The following P2RX3 variants were observed in gnomAD, a reference collection of about 807,000 sequenced individuals.
P2RX3 encodes P2X purinoceptor 3.
P2RX3 carries 41 observed loss-of-function variants against 51.5 expected under a neutral mutation model. The ratio of observed to expected loss-of-function variants is 0.80; its 90% CI spans 0.62 to 1.03. The LOEUF is 1.03. Ranked by LOEUF, P2RX3 falls within the 50% of genes least tolerant of loss-of-function variation. The probability of loss-of-function intolerance (pLI) is 0.00; values close to 1 mark genes in which losing one functional copy is unlikely to be tolerated. For synonymous variants in P2RX3, 185 were observed against 191.6 expected (o/e 0.97, Z 0.29); for missense variants, 459 against 522.1 (o/e 0.88, Z 1.18).
Position 57,370,188 on chromosome 11 carries a change from A to G in P2RX3, c.*191A>G, listed in dbSNP as rs3781894. Reference sequence around the variant, plus strand: ...GGCAGTGCTCCCTGCTGAGACCCCAATCTCACCTTCACTCCTTGCCTGGCC... The same window carrying G: ...GGCAGTGCTCCCTGCTGAGACCCCAGTCTCACCTTCACTCCTTGCCTGGCC... On this transcript the variant is annotated 3_prime_UTR_variant, in exon 12 of 12. Transcript: ENST00000263314. 0.53 allele frequency: 300,424 copies of G among 566,534 alleles called. 81,621 individuals carry two copies. The highest frequency in any genetic ancestry group is 0.59 in the Non-Finnish European group (188,665 of 317,768). The allele number at this position is 566,534 out of a possible 1,614,324, so 35.1% of individuals were successfully genotyped here.
chr11:57,360,169 C>T (rs1856692066), intron 8 of P2RX3, among the ~76,000 whole-genome samples: 1 of 152,210 alleles, frequency 6.6e-6, no homozygotes, highest in South Asian at 2.1e-4. Flanking sequence ...GCAGGAGTAA[C>T]TGTCCCACAT....
intron 8 of P2RX3, among the ~76,000 whole-genome samples, chr11:57,363,459 C>T (rs1472623143): frequency 6.6e-6 from 1 of 152,164 alleles, no homozygotes; most frequent in East Asian, 1.9e-4. Context: ...GCCATCTTGA[C>T]TCAGTCTCTC....
At chr11:57,338,698 C>T (rs1308168033) in intron 1 of P2RX3, 29 bp downstream of exon 1, 11 of 1,502,022 alleles carry the variant, frequency 7.3e-6, no homozygotes, top group East Asian at 6.9e-5. Context: ...AGGTTCCTGG[C>T]GGGGTGGGCT....
At chr11:57,350,392 A>G in intron 7 of P2RX3, 1 of 179,116 alleles carries the variant, frequency 5.6e-6, no homozygotes, top group Non-Finnish European at 1.1e-5. Flanking sequence ...TCCGCCTCCC[A>G]GGTTCACGCC....
chr11:57,356,524 A>T, intron 8 of P2RX3, among the ~76,000 whole-genome samples: 1 of 152,184 alleles, frequency 6.6e-6, no homozygotes, highest in Non-Finnish European at 1.5e-5. Flanking sequence ...GTTTCTAGTG[A>T]TCGTTTTATG....
chr11:57,356,465 G>A (rs1162172367), intron 8 of P2RX3, among the ~76,000 whole-genome samples: 2 of 152,112 alleles, frequency 1.3e-5, no homozygotes, highest in Non-Finnish European at 2.9e-5. Flanking sequence ...TTGGTGTCTG[G>A]GACAAAAAAA....
chr11:57,343,907 C>T (rs1483040639), intron 1 of P2RX3, among the ~76,000 whole-genome samples: 1 of 152,152 alleles, frequency 6.6e-6, no homozygotes, highest in East Asian at 1.9e-4. Context: ...GCTAATAATG[C>T]TCATTTGGGT....
At chr11:57,355,889 G>C (rs1044752347) in intron 8 of P2RX3, among the ~76,000 whole-genome samples, 2 of 152,286 alleles carry the variant, frequency 1.3e-5, no homozygotes, top group East Asian at 3.9e-4. Context: ...CCGTAGCCAG[G>C]TGTGGAAGCT....
chr11:57,338,071 G>A (rs988324477), upstream of P2RX3, among the ~76,000 whole-genome samples: 7 of 152,238 alleles, frequency 4.6e-5, no homozygotes, highest in African/African-American at 1.7e-4. Context: ...GGAATGAAGA[G>A]GGTCCTTAGC....
chr11:57,343,591 T>C (rs1012726380), intron 1 of P2RX3, among the ~76,000 whole-genome samples: 1 of 152,202 alleles, frequency 6.6e-6, no homozygotes, highest in African/African-American at 2.4e-5. Context: ...TCAGTAAGAA[T>C]GTAGTGAAAG....
At chr11:57,347,242 G>A in intron 3 of P2RX3, 55 bp downstream of exon 3, 1 of 1,586,914 alleles carries the variant, frequency 6.3e-7, no homozygotes, top group African/African-American at 1.3e-5. Context: ...ATGTTGGTGG[G>A]AGTGGGAGCA....
At position 57,349,862 on chromosome 11, in the gene P2RX3, G is replaced by C; in HGVS notation, c.669G>C (p.Lys223Asn). ...TCTTGCGGGTAGGGGACGTGGTCAA[G>C]TTTGCGGGGCAGGATTTTGCCAAAC... ...CPILRVGDVV[K>N]FAGQDFAKLA... Residue 223 changes from lysine (K) to asparagine (N), a missense_variant, in exon 7 of 12, where the codon AAG (lysine) becomes AAC (asparagine). By Grantham distance (94) the Lys-to-Asn change is moderately conservative (BLOSUM62 0). Coordinates refer to ENST00000263314, the MANE Select transcript of P2RX3 (RefSeq NM_002559.5). 6.2e-7 allele frequency: 1 copy of C among 1,614,230 alleles called. No individual in the cohort carries two copies. Among genetic ancestry groups the C allele is most frequent in the Non-Finnish European group, 8.5e-7 (1 of 1,180,036 alleles).
chr11:57,346,393 G>A, intron 1 of P2RX3, 151 bp from the exon 2 acceptor site: 1 of 842,256 alleles, frequency 1.2e-6, no homozygotes, highest in Non-Finnish European at 1.8e-6. Flanking sequence ...TCAACCAAGG[G>A]CTCACTCTAG....
At chr11:57,352,842 A>T (rs72923910) in intron 8 of P2RX3, among the ~76,000 whole-genome samples, 11,859 of 152,146 alleles carry the variant, frequency 0.078, 599 homozygotes, top group Non-Finnish European at 0.11. Flanking sequence ...CCTAAGAGAA[A>T]CCACCCCCTC....
At position 57,347,206 on chromosome 11, in the gene P2RX3, T is replaced by C. The variant is rs2003858; in HGVS notation, c.327+19T>C. ...CCCAGAGGTGAGGGGAGGACAGAGG[T>C]TGGGTGAAGCAGGTCAAGGCTGAAA... On this transcript the variant is annotated intron_variant, in intron 3 of 11. Coordinates refer to ENST00000263314, the MANE Select transcript of P2RX3 (RefSeq NM_002559.5). 10 of 1,611,022 alleles carry C rather than the reference T, an allele frequency of 6.2e-6. No homozygotes were observed. Among genetic ancestry groups the C allele is most frequent in the Middle Eastern group, 1.6e-4 (1 of 6,080 alleles).
At chr11:57,343,770 C>G (rs894538490) in intron 1 of P2RX3, among the ~76,000 whole-genome samples, 5 of 152,100 alleles carry the variant, frequency 3.3e-5, no homozygotes, top group African/African-American at 1.2e-4. Context: ...AAGCTCGGTT[C>G]CAGAAGGGTG....
intron 11 of P2RX3, among the ~76,000 whole-genome samples, chr11:57,369,654 C>T (rs1304001562): frequency 6.6e-6 from 1 of 152,044 alleles, no homozygotes; most frequent in East Asian, 1.9e-4. Context: ...TGGTCCCCAC[C>T]CCGTCACCTC....
intron 11 of P2RX3, 82 bp from the exon 12 acceptor site, chr11:57,369,802 C>A: frequency 2.0e-6 from 2 of 1,015,432 alleles, no homozygotes; most frequent in Non-Finnish European, 3.0e-6. Flanking sequence ...TGGGCGCCCA[C>A]TGCTGAGTCT....
At chr11:57,364,887 T>C (rs572690701) in intron 8 of P2RX3, among the ~76,000 whole-genome samples, 1 of 152,260 alleles carries the variant, frequency 6.6e-6, no homozygotes, top group East Asian at 1.9e-4. Flanking sequence ...CCACTCTCAT[T>C]CTTACTCTGG....
Sources: allele counts gnomAD v4.1 joint callset (sites outside exome capture counted in the v4.1 genomes callset), GRCh38; gene constraint gnomAD v4.1.1; transcripts MANE v1.5; gene names NCBI Gene and HGNC (gene_info 2026-07-23, HGNC 2026-07-21).